PDE3A: variants seen among roughly 807,000 people sequenced by gnomAD.
PDE3A encodes the protein phosphodiesterase 3A, also known as cGMP-inhibited 3',5'-cyclic phosphodiesterase 3A.
A neutral mutation model predicts 98.3 loss-of-function variants in PDE3A; 43 were observed. That is an observed-to-expected ratio of 0.44 (90% CI 0.34 to 0.56). The LOEUF (loss-of-function observed/expected upper bound fraction) is 0.56, where lower values mean the gene tolerates loss of function less well. PDE3A is among the 20% of genes least tolerant of loss of function. The probability of loss-of-function intolerance (pLI) is 0.01; values close to 1 mark genes in which losing one functional copy is unlikely to be tolerated. For synonymous variants in PDE3A, 663 were observed against 567.9 expected (o/e 1.17, Z -2.38); for missense variants, 1,427 against 1,440.7 (o/e 0.99, Z 0.15).
intron 2 of PDE3A, among the ~76,000 whole-genome samples, chr12:20,612,593 T>C: frequency 3.6e-5 from 1 of 27,958 alleles, no homozygotes; most frequent in Admixed American, 4.1e-4. Context: ...TTGGAGTTTA[T>C]TTACTTACTT....
intron 1 of PDE3A, among the ~76,000 whole-genome samples, chr12:20,495,635 C>T (rs1184135732): frequency 6.6e-6 from 1 of 151,710 alleles, no homozygotes; most frequent in African/African-American, 2.4e-5. Flanking sequence ...TTGTTGTTTT[C>T]GACTTTTCCC....
At chr12:20,517,367 A>G (rs1461237018) in intron 1 of PDE3A, among the ~76,000 whole-genome samples, 1 of 152,192 alleles carries the variant, frequency 6.6e-6, no homozygotes, top group Non-Finnish European at 1.5e-5. Flanking sequence ...ATTATGTGAC[A>G]CTTTGAACAA....
chr12:20,438,128 G>T (rs1193814244), intron 1 of PDE3A, among the ~76,000 whole-genome samples: 1 of 151,862 alleles, frequency 6.6e-6, no homozygotes, highest in Admixed American at 6.6e-5. Context: ...TCCTATTCTT[G>T]GATGTAGAGT....
chr12:20,604,048 G>T (rs1943655973), intron 2 of PDE3A, among the ~76,000 whole-genome samples: 1 of 151,792 alleles, frequency 6.6e-6, no homozygotes, highest in African/African-American at 2.4e-5. Context: ...GCATGCCTGG[G>T]GTCCTAGCTA....
chr12:20,396,898 T>C (rs554480896), intron 1 of PDE3A, among the ~76,000 whole-genome samples: 2 of 152,018 alleles, frequency 1.3e-5, no homozygotes, highest in Admixed American at 1.3e-4. Flanking sequence ...TATTGATCAC[T>C]ATGAAGTGGT....
chr12:20,380,226 A>G (rs1462419935), intron 1 of PDE3A, among the ~76,000 whole-genome samples: 1 of 151,910 alleles, frequency 6.6e-6, no homozygotes, highest in African/African-American at 2.4e-5. Flanking sequence ...AATTGTGATC[A>G]ATTACAAAAC....
At chr12:20,406,771 A>T (rs1167419096) in intron 1 of PDE3A, among the ~76,000 whole-genome samples, 1 of 152,110 alleles carries the variant, frequency 6.6e-6, no homozygotes, top group African/African-American at 2.4e-5. Context: ...CATACCCATA[A>T]AATCATTGCC....
chr12:20,566,786 G>A (rs1390612578), intron 2 of PDE3A, among the ~76,000 whole-genome samples: 1 of 151,886 alleles, frequency 6.6e-6, no homozygotes, highest in Non-Finnish European at 1.5e-5. Flanking sequence ...TTAGAAACGT[G>A]CAGTGAATTT....
chr12:20,613,393 T>G (rs749470054), intron 2 of PDE3A, 50 bp from the exon 3 acceptor site: 2 of 1,587,434 alleles, frequency 1.3e-6, no homozygotes, highest in African/African-American at 2.7e-5. Context: ...GCTTTGTGCC[T>G]TCAGATTCAG....
In PDE3A at chr12:20,369,200, T is replaced by TGC; in HGVS notation, c.-84_-83insCG. The TGC allele has an allele frequency of 2.4e-6, 2 of 832,584 alleles. No homozygotes were observed. The highest frequency in any genetic ancestry group is 1.8e-6 in the Non-Finnish European group (1 of 544,170). The allele number at this position is 832,584 out of a possible 1,614,324, so 51.6% of individuals were successfully genotyped here. A position where few individuals can be genotyped will look rare whatever the true frequency, so the allele number is the denominator to read the frequency against. ...GGAAGAGCGTGCGTGCGTGTGTGTGTGTGTGTGTGTGCGCGCGCGCGCGTG... is the reference window on the plus strand; with the variant it reads ...GGAAGAGCGTGCGTGCGTGTGTGTGTGCGTGTGTGTGTGCGCGCGCGCGCGTG... On this transcript the variant is annotated 5_prime_UTR_variant, in exon 1 of 16. Coordinates refer to ENST00000359062, the MANE Select transcript of PDE3A (RefSeq NM_000921.5).
intron 2 of PDE3A, among the ~76,000 whole-genome samples, chr12:20,578,896 G>A (rs1943002184): frequency 6.6e-6 from 1 of 152,092 alleles, no homozygotes; most frequent in Non-Finnish European, 1.5e-5. Context: ...GTTAGGTACT[G>A]AATAGTGTTC....
In PDE3A at chr12:20,685,409, CAAAA is replaced by C. The variant is rs71442269; in HGVS notation, c.*5158_*5161del. 5.4e-5 allele frequency among the ~76,000 whole-genome samples: 4 copies of C among 73,794 alleles called. No individual in the cohort carries two copies. Among genetic ancestry groups the C allele is most frequent in the South Asian group, 5.8e-4 (1 of 1,730 alleles). 48.4% of individuals were successfully genotyped at this position (73,794 alleles called of 152,430 possible). Reference sequence around the variant, plus strand: ...GGGCAACAGGAGTTAAATTTTGCCTCAAAAAAAAAAAAAAAAAAAAAAAGAACAT... The same window carrying C: ...GGGCAACAGGAGTTAAATTTTGCCTCAAAAAAAAAAAAAAAAAAAGAACAT... On this transcript the variant is annotated 3_prime_UTR_variant, in exon 16 of 16. Coordinates refer to ENST00000359062, the MANE Select transcript of PDE3A (RefSeq NM_000921.5).
chr12:20,664,511 C>T (rs891587302), intron 15 of PDE3A, among the ~76,000 whole-genome samples: 4 of 152,134 alleles, frequency 2.6e-5, no homozygotes, highest in Non-Finnish European at 5.9e-5. Flanking sequence ...TGTGTCCCCA[C>T]CCAAATCTCA....
intron 1 of PDE3A, among the ~76,000 whole-genome samples, chr12:20,377,095 G>C (rs763884913): frequency 1.3e-5 from 2 of 151,816 alleles, no homozygotes; most frequent in Non-Finnish European, 2.9e-5. Context: ...GTGTGTACCT[G>C]TATGTGCATT....
intron 2 of PDE3A, chr12:20,557,033 C>T (rs1592054934): frequency 1.2e-5 from 3 of 256,960 alleles, no homozygotes; most frequent in South Asian, 1.5e-4. Flanking sequence ...ACAATTTTTC[C>T]GTGTATTTTC....
chr12:20,395,292 A>G (rs983551766), intron 1 of PDE3A, among the ~76,000 whole-genome samples: 1 of 151,992 alleles, frequency 6.6e-6, no homozygotes, highest in African/African-American at 2.4e-5. Flanking sequence ...TACATGTTCA[A>G]TAAATTGTAG....
chr12:20,663,225 T>C (rs1945222434), intron 15 of PDE3A, among the ~76,000 whole-genome samples: 2 of 152,188 alleles, frequency 1.3e-5, no homozygotes. Flanking sequence ...AGAAGTTTGC[T>C]ACAGGGGTGG....
Position 20,368,556 on chromosome 12 carries a change from T to A in PDE3A, c.-729T>A, listed in dbSNP as rs1489690931. Among the ~76,000 whole-genome samples, 3 of 150,958 alleles carry A rather than the reference T, an allele frequency of 2.0e-5. No homozygotes were observed. Among genetic ancestry groups the A allele is most frequent in the African/African-American group, 7.3e-5 (3 of 41,178 alleles). On this transcript the variant is annotated 5_prime_UTR_variant, in exon 1 of 16. Transcript: ENST00000359062. ...GCTGCCGCTAGTCTCTCGGTCTGGC[T>A]CTCTCTCCGACGGGACTTAGCAACT...
intron 2 of PDE3A, among the ~76,000 whole-genome samples, chr12:20,598,268 C>T (rs530530472): frequency 1.3e-4 from 20 of 151,822 alleles, no homozygotes; most frequent in South Asian, 6.3e-4. Flanking sequence ...CTGCAACCTC[C>T]GCCTCCTTGG....
Sources: allele counts gnomAD v4.1 joint callset (sites outside exome capture counted in the v4.1 genomes callset), GRCh38; gene constraint gnomAD v4.1.1; transcripts MANE v1.5; gene names NCBI Gene and HGNC (gene_info 2026-07-23, HGNC 2026-07-21).